The following CNST variants were observed in gnomAD, a reference collection of about 807,000 sequenced individuals.
CNST encodes consortin, connexin sorting protein, also known as consortin.
Under a neutral mutation model 72.4 loss-of-function variants are expected in CNST, and 39 were observed. The ratio of observed to expected loss-of-function variants is 0.54; its 90% confidence interval spans 0.42 to 0.70. CNST has a LOEUF of 0.70. CNST is among the 30% of genes least tolerant of loss of function. The pLI, the probability that CNST is intolerant of heterozygous loss-of-function variation, is 0.00. For synonymous variants in CNST, 332 were observed against 320.1 expected (o/e 1.04, Z -0.40); for missense variants, 871 against 868.5 (o/e 1.00, Z -0.04).
intron 10 of CNST, among the ~76,000 whole-genome samples, chr1:246,662,598 C>T (rs1667159679): frequency 1.3e-5 from 2 of 152,186 alleles, no homozygotes. Flanking sequence ...ACCATGTTGG[C>T]CAGGCTGGTC....
At chr1:246,592,130 C>T (rs1024990207) in intron 2 of CNST, among the ~76,000 whole-genome samples, 189 bp downstream of exon 2, 3 of 152,134 alleles carry the variant, frequency 2.0e-5, no homozygotes, top group Non-Finnish European at 4.4e-5. Context: ...ACTGTTCCAC[C>T]GTATGGGTGT....
At chr1:246,588,173 ATTTACT>A (rs1661312908) in intron 1 of CNST, among the ~76,000 whole-genome samples, 1 of 152,048 alleles carries the variant, frequency 6.6e-6, no homozygotes, top group East Asian at 1.9e-4. Flanking sequence ...AAACAATGTG[ATTTACT>A]TTTATACTGT....
At chr1:246,587,717 A>C (rs1661284303) in intron 1 of CNST, among the ~76,000 whole-genome samples, 1 of 152,242 alleles carries the variant, frequency 6.6e-6, no homozygotes, top group African/African-American at 2.4e-5. Context: ...GTATACCCAC[A>C]ATGAGGCTTT....
chr1:246,606,749 G>A (rs1426639282), intron 2 of CNST: 1 of 151,954 alleles, frequency 6.6e-6, no homozygotes, highest in East Asian at 1.9e-4. Context: ...TTTAAGGACC[G>A]TTTTTCTCTG....
At chr1:246,591,350 G>A (rs1326107220) in intron 1 of CNST, among the ~76,000 whole-genome samples, 162 bp from the exon 2 acceptor site, 1 of 152,184 alleles carries the variant, frequency 6.6e-6, no homozygotes, top group East Asian at 1.9e-4. Context: ...AACTAGCTGA[G>A]TTTGGGGTTG....
intron 9 of CNST, among the ~76,000 whole-genome samples, chr1:246,650,641 C>A (rs370202236): frequency 1.5e-5 from 2 of 132,802 alleles, no homozygotes; most frequent in African/African-American, 5.5e-5. Context: ...TTAAAAATTT[C>A]TTTTAGATTT....
intron 1 of CNST, among the ~76,000 whole-genome samples, chr1:246,568,570 A>G (rs919502151): frequency 3.3e-5 from 5 of 152,058 alleles, no homozygotes; most frequent in Non-Finnish European, 1.5e-5. Flanking sequence ...GTGGTTTTCT[A>G]TCCTATGCTG....
At position 246,573,315 on chromosome 1, in the gene CNST, G is replaced by C. The variant is rs144197802; in HGVS notation, c.-52+6652G>C. On this transcript the variant is annotated intron_variant, in intron 1 of 10. Transcript: ENST00000366513. Reference sequence around the variant, plus strand: ...TCCCTACTTTAATCATGTAATATAGGTCTTGTGACTTGGAAGAAGATTGTC... The same window carrying C: ...TCCCTACTTTAATCATGTAATATAGCTCTTGTGACTTGGAAGAAGATTGTC... 3.9e-3 allele frequency among the ~76,000 whole-genome samples: 591 copies of C among 152,244 alleles called. 3 individuals are homozygous for C. The highest frequency in any genetic ancestry group is 0.014 in the African/African-American group (567 of 41,530).
At chr1:246,613,284 C>G (rs1396364854) in intron 2 of CNST, among the ~76,000 whole-genome samples, 1 of 152,126 alleles carries the variant, frequency 6.6e-6, no homozygotes, top group African/African-American at 2.4e-5. Context: ...ACATGACTTT[C>G]CACAATTTGC....
At chr1:246,581,877 T>G (rs577268103) in intron 1 of CNST, among the ~76,000 whole-genome samples, 36 of 152,290 alleles carry the variant, frequency 2.4e-4, no homozygotes, top group African/African-American at 7.9e-4. Context: ...ATAGGCAAAA[T>G]TTTATGAGAT....
At chr1:246,662,198 C>T (rs1305109642) in intron 10 of CNST, among the ~76,000 whole-genome samples, 3 of 152,084 alleles carry the variant, frequency 2.0e-5, no homozygotes, top group Non-Finnish European at 4.4e-5. Flanking sequence ...TGGTTTGTTC[C>T]TAAGCTCTGT....
At chr1:246,642,255 A>G (rs1665767105) in intron 8 of CNST, among the ~76,000 whole-genome samples, 1 of 151,368 alleles carries the variant, frequency 6.6e-6, no homozygotes, top group African/African-American at 2.4e-5. Context: ...AGTAGATACC[A>G]TAAAATCTAA....
intron 2 of CNST, among the ~76,000 whole-genome samples, chr1:246,595,092 C>T (rs1558541097): frequency 1.3e-5 from 2 of 152,210 alleles, no homozygotes; most frequent in East Asian, 1.9e-4. Context: ...CCTGTCTGCC[C>T]GGGCTGGCCA....
At chr1:246,650,717 G>A (rs1040706269) in intron 9 of CNST, among the ~76,000 whole-genome samples, 20 of 128,026 alleles carry the variant, frequency 1.6e-4, no homozygotes, top group South Asian at 2.4e-4. Flanking sequence ...TCACTCTGTC[G>A]CCCAGGCTGG....
chr1:246,666,732 G>C lies in CNST; in HGVS notation c.*827G>C, dbSNP rs555103992. 3.3e-5 allele frequency: 5 copies of C among 152,328 alleles called. No homozygotes were observed. In the South Asian group the frequency reaches 8.3e-4, roughly 25 times the overall value. 9.4% of individuals were successfully genotyped at this position (152,328 alleles called of 1,614,324 possible). A position where few individuals can be genotyped will look rare whatever the true frequency, so the allele number is the denominator to read the frequency against. On this transcript the variant is annotated 3_prime_UTR_variant, in exon 11 of 11. Coordinates refer to ENST00000366513, the MANE Select transcript of CNST (RefSeq NM_152609.3). The stretch of plus-strand genomic sequence containing the variant: ...TTTTGTCACGGATGCAAAGCTTCCT[G>C]AAATCATGAATGCTGGACTCAGTTT...
intron 6 of CNST, among the ~76,000 whole-genome samples, chr1:246,635,130 G>A (rs554562531): frequency 3.3e-5 from 5 of 152,196 alleles, no homozygotes; most frequent in South Asian, 4.1e-4. Context: ...ATTCCTATTT[G>A]GTTATAGAAA....
At chr1:246,596,829 A>T (rs6668470) in intron 2 of CNST, among the ~76,000 whole-genome samples, 138,519 of 152,306 alleles carry the variant, frequency 0.91, 62,979 homozygotes, top group South Asian at 0.94. Context: ...ATACAATAGA[A>T]GGTCTTTGAC....
intron 2 of CNST, among the ~76,000 whole-genome samples, chr1:246,603,176 CT>C (rs1297451852): frequency 2.6e-5 from 4 of 152,094 alleles, no homozygotes; most frequent in Non-Finnish European, 5.9e-5. Context: ...TGAATGAAGA[CT>C]TTTTAAAAGT....
intron 1 of CNST, among the ~76,000 whole-genome samples, chr1:246,584,493 A>G (rs571530984): frequency 6.6e-6 from 1 of 152,276 alleles, no homozygotes; most frequent in South Asian, 2.1e-4. Context: ...TGGTCTTTCC[A>G]TTATGATGAA....
Sources: allele counts gnomAD v4.1 joint callset (sites outside exome capture counted in the v4.1 genomes callset), GRCh38; gene constraint gnomAD v4.1.1; transcripts MANE v1.5; gene names NCBI Gene and HGNC (gene_info 2026-07-23, HGNC 2026-07-21).